NKIRAS1: variants seen among roughly 807,000 people sequenced by gnomAD.
NKIRAS1 encodes the protein NF-kappa-B inhibitor-interacting Ras-like protein 1.
Under a neutral mutation model 19.8 loss-of-function variants are expected in NKIRAS1, and 16 were observed. The ratio of observed to expected loss-of-function variants is 0.81; its 90% CI spans 0.55 to 1.23. The LOEUF is 1.23. Among genes scored for constraint, NKIRAS1 ranks in the 50% most tolerant of loss-of-function variants. The probability of loss-of-function intolerance (pLI) is 0.00; values close to 1 mark genes in which losing one functional copy is unlikely to be tolerated. For synonymous variants in NKIRAS1, 88 were observed against 79.0 expected (o/e 1.11, Z -0.61); for missense variants, 184 against 220.0 (o/e 0.84, Z 1.04).
At chr3:23,923,527 A>T (rs567423210) in intron 1 of NKIRAS1, 1 of 152,248 alleles carries the variant, frequency 6.6e-6, no homozygotes, top group South Asian at 2.1e-4. Context: ...CTGGAACTTC[A>T]TTCTTTTGGT....
chr3:23,908,765 G>C (rs1273196707), intron 3 of NKIRAS1, among the ~76,000 whole-genome samples: 1 of 151,690 alleles, frequency 6.6e-6, no homozygotes, highest in Non-Finnish European at 1.5e-5. Flanking sequence ...AACCTCCCAT[G>C]TGATTCTCCC....
intron 1 of NKIRAS1, among the ~76,000 whole-genome samples, chr3:23,930,917 C>T (rs1377254632): frequency 6.7e-6 from 1 of 148,600 alleles, no homozygotes; most frequent in Admixed American, 6.8e-5. Flanking sequence ...TGTTGCCCAG[C>T]TGATCCTCCT....
At chr3:23,919,143 T>TG, upstream of NKIRAS1, 1 of 1,244,302 alleles carries the variant, frequency 8.0e-7, no homozygotes, top group Non-Finnish European at 1.2e-6. Flanking sequence ...CTTTCTGACT[T>TG]GCTGCTATAG....
At chr3:23,906,035 C>T (rs954221713) in intron 3 of NKIRAS1, among the ~76,000 whole-genome samples, 2 of 151,380 alleles carry the variant, frequency 1.3e-5, no homozygotes, top group African/African-American at 2.4e-5. Context: ...GGCGCATGAC[C>T]GTAATCCCAG....
intron 3 of NKIRAS1, among the ~76,000 whole-genome samples, chr3:23,909,977 A>G (rs1452580455): frequency 2.0e-5 from 3 of 147,496 alleles, no homozygotes; most frequent in African/African-American, 2.5e-5. Context: ...TCCTACCTCA[A>G]CCTCCTGAGT....
At position 23,897,029 on chromosome 3, in the gene NKIRAS1, A is replaced by G. The variant is rs183454640; in HGVS notation, c.337-3692T>C. Among the ~76,000 whole-genome samples the G allele has an allele frequency of 8.5e-5, 13 of 152,190 alleles. No homozygotes were observed. In the East Asian group the frequency reaches 2.5e-3, roughly 29 times the overall value. The stretch of plus-strand genomic sequence containing the variant: ...GGAGACCAGCCTGGGCAACAGAGCA[A>G]GACCTTGTCTTTGCAAAAAAATAAA... On this transcript the variant is annotated intron_variant, in intron 4 of 4. Coordinates refer to ENST00000425478, the MANE Select transcript of NKIRAS1 (RefSeq NM_020345.4).
upstream of NKIRAS1, chr3:23,918,222 CTGAA>C: frequency 6.5e-6 from 6 of 928,444 alleles, no homozygotes; most frequent in East Asian, 2.7e-5. Context: ...GGTTACAAAT[CTGAA>C]TGAGTTCAGA....
upstream of NKIRAS1, chr3:23,921,570 G>GT (rs71622703): frequency 0.046 from 23,038 of 500,736 alleles, 59 homozygotes; most frequent in East Asian, 0.095. Flanking sequence ...TGATTATTGA[G>GT]TTTTTTTTTT....
intron 1 of NKIRAS1, among the ~76,000 whole-genome samples, chr3:23,930,463 C>T (rs947282093): frequency 6.7e-6 from 1 of 150,332 alleles, no homozygotes; most frequent in African/African-American, 2.5e-5. Flanking sequence ...ATAAATAAGC[C>T]GCCAAAAAAA....
At chr3:23,898,238 T>C (rs72627066) in intron 4 of NKIRAS1, among the ~76,000 whole-genome samples, 33,849 of 151,976 alleles carry the variant, frequency 0.22, 3,759 homozygotes, top group African/African-American at 0.27. Flanking sequence ...TATCTATTCA[T>C]AAAGTAAATT....
chr3:23,909,179 T>C (rs1255048066), intron 3 of NKIRAS1, among the ~76,000 whole-genome samples: 1 of 152,196 alleles, frequency 6.6e-6, no homozygotes, highest in African/African-American at 2.4e-5. Context: ...TTAAACATTA[T>C]TTTAGAAAGC....
chr3:23,905,316 A>C (rs571366695), intron 3 of NKIRAS1, among the ~76,000 whole-genome samples: 28 of 152,360 alleles, frequency 1.8e-4, no homozygotes, highest in Non-Finnish European at 3.2e-4. Context: ...ACAGAGGAAC[A>C]CAGGGAGCCA....
intron 1 of NKIRAS1, among the ~76,000 whole-genome samples, chr3:23,945,067 G>C (rs1352391351): frequency 6.6e-6 from 1 of 151,870 alleles, no homozygotes; most frequent in East Asian, 1.9e-4. Context: ...ACGGAGAAGA[G>C]GTTTACGGCA....
Position 23,922,031 on chromosome 3 carries a change from A to C in NKIRAS1, c.-139-10581T>G. 3.8e-5 allele frequency: 6 copies of C among 158,666 alleles called. No homozygotes were observed. The highest frequency in any genetic ancestry group is 1.9e-4 in the East Asian group (1 of 5,294). The allele number at this position is 158,666 out of a possible 1,614,324, so 9.8% of individuals were successfully genotyped here. A position where few individuals can be genotyped will look rare whatever the true frequency, so the allele number is the denominator to read the frequency against. ...CAAATTTACTTTAGTAATAACAACA[A>C]TTGGCTGGGTGCGGTGGCTCACGCC... On this transcript the variant is annotated intron_variant, in intron 1 of 4. Coordinates refer to the NKIRAS1 transcript ENST00000421515. The surrounding 1 kb of genome is among the most constrained non-coding windows in gnomAD (Gnocchi z 4.2).
chr3:23,904,188 A>G (rs1702796785), intron 3 of NKIRAS1, among the ~76,000 whole-genome samples: 1 of 152,246 alleles, frequency 6.6e-6, no homozygotes, highest in Non-Finnish European at 1.5e-5. Context: ...TCTATGACGC[A>G]TCACTGAAAT....
chr3:23,942,642 T>G (rs6550819), intron 1 of NKIRAS1, among the ~76,000 whole-genome samples: 119,768 of 151,804 alleles, frequency 0.79, 47,997 homozygotes, highest in African/African-American at 0.91. Flanking sequence ...CGTTGGTCAG[T>G]CTGGTGTCAA....
intron 1 of NKIRAS1, among the ~76,000 whole-genome samples, chr3:23,928,100 C>CCACACA (rs66482461): frequency 0.013 from 1,858 of 146,186 alleles, 30 homozygotes; most frequent in African/African-American, 0.04. Context: ...TCTCTACACA[C>CCACACA]CACACACACA....
Position 23,914,660 on chromosome 3 carries a change from G to T in NKIRAS1, c.-140+2124C>A, listed in dbSNP as rs150386434. 2.0e-3 allele frequency among the ~76,000 whole-genome samples: 297 copies of T among 152,106 alleles called. 1 individual carries two copies. Among genetic ancestry groups the T allele is most frequent in the African/African-American group, 6.9e-3 (288 of 41,492 alleles). On this transcript the variant is annotated intron_variant, in intron 1 of 4. Transcript: ENST00000425478. The stretch of plus-strand genomic sequence containing the variant: ...TGCCAGCCATCAGGGACAAACTAGG[G>T]GGCAAAAACAGAAATCATCCCTTGT...
intron 4 of NKIRAS1, among the ~76,000 whole-genome samples, chr3:23,896,242 C>T (rs1241632188): frequency 4.6e-5 from 7 of 151,992 alleles, no homozygotes; most frequent in East Asian, 1.9e-4. Context: ...CTCCTTCACC[C>T]GGACAAGGGT....
Sources: allele counts gnomAD v4.1 joint callset (sites outside exome capture counted in the v4.1 genomes callset), GRCh38; gene constraint gnomAD v4.1.1; non-coding constraint Gnocchi (gnomAD v3.1); transcripts MANE v1.5; gene names NCBI Gene and HGNC (gene_info 2026-07-23, HGNC 2026-07-21).